SPTBN1: variants seen among roughly 807,000 people sequenced by gnomAD.
SPTBN1 encodes spectrin beta chain, non-erythrocytic 1.
A neutral mutation model predicts 266.4 loss-of-function variants in SPTBN1; 32 were observed. The observed-to-expected ratio is 0.12, with a 90% CI of 0.09 to 0.16. The LOEUF is 0.16. Among genes scored for constraint, SPTBN1 ranks in the 10% least tolerant of loss-of-function variants. The probability of loss-of-function intolerance (pLI) is 1.00; values close to 1 mark genes in which losing one functional copy is unlikely to be tolerated. For synonymous variants in SPTBN1, 1,336 were observed against 1,162.2 expected, an observed-to-expected ratio of 1.15 and a Z score of -3.04; for missense variants, 2,296 against 3,067.1, an observed-to-expected ratio of 0.75 and a Z score of 5.94.
At chr2:54,574,729 G>T (rs1674340490) in intron 2 of SPTBN1, among the ~76,000 whole-genome samples, 1 of 152,150 alleles carries the variant, frequency 6.6e-6, no homozygotes, top group South Asian at 2.1e-4. Context: ...GGAATTGCAG[G>T]TCACACCCTT....
At chr2:54,471,384 C>T (rs1253851609) in intron 1 of SPTBN1, among the ~76,000 whole-genome samples, 1 of 152,142 alleles carries the variant, frequency 6.6e-6, no homozygotes, top group Non-Finnish European at 1.5e-5. Flanking sequence ...ACATTTCTCC[C>T]CAGGTTGAGC....
chr2:54,630,064 C>G (rs374492167), intron 15 of SPTBN1, 35 bp downstream of exon 15: 5 of 1,603,526 alleles, frequency 3.1e-6, no homozygotes, highest in Non-Finnish European at 4.3e-6. Flanking sequence ...CAGCCTCCCA[C>G]GTGTGGGACT....
At position 54,629,333 on chromosome 2, in the gene SPTBN1, G is replaced by A. The variant is rs775406676; in HGVS notation, c.2199G>A (p.Ser733=). ...REQWANLEQL[S]AIRKKRLEEA... Reference sequence around the variant, plus strand: ...AGTGGGCCAACCTAGAGCAGCTCTCGGCCATTCGGAAGAAGCGCCTGGAGG... The same window carrying A: ...AGTGGGCCAACCTAGAGCAGCTCTCAGCCATTCGGAAGAAGCGCCTGGAGG... The change falls in exon 14 of 36, where the codon TCG becomes TCA. Residue 733 remains serine (S), a synonymous_variant. Coordinates refer to ENST00000356805, the MANE Select transcript of SPTBN1 (RefSeq NM_003128.3). 85 of 1,613,884 alleles carry A rather than the reference G, an allele frequency of 5.3e-5. No individual in the cohort carries two copies. The highest frequency in any genetic ancestry group is 6.9e-5 in the Non-Finnish European group (81 of 1,180,032).
At chr2:54,468,080 G>C (rs147628204) in intron 1 of SPTBN1, among the ~76,000 whole-genome samples, 12 of 152,032 alleles carry the variant, frequency 7.9e-5, no homozygotes, top group African/African-American at 2.7e-4. Context: ...AGGCCGAGGC[G>C]GGCAGATCAT....
At chr2:54,592,512 G>A (rs1054818776) in intron 2 of SPTBN1, among the ~76,000 whole-genome samples, 1 of 152,032 alleles carries the variant, frequency 6.6e-6, no homozygotes, top group Non-Finnish European at 1.5e-5. Flanking sequence ...AGCCTCCCGA[G>A]TAGCTGGGAT....
intron 2 of SPTBN1, among the ~76,000 whole-genome samples, chr2:54,585,257 T>C (rs1277832719): frequency 1.3e-5 from 2 of 152,158 alleles, no homozygotes; most frequent in African/African-American, 4.8e-5. Context: ...TAATGCAAAA[T>C]AGGTTTTGAT....
intron 1 of SPTBN1, among the ~76,000 whole-genome samples, chr2:54,504,845 G>A (rs13384138): frequency 6.6e-6 from 1 of 152,094 alleles, no homozygotes; most frequent in African/African-American, 2.4e-5. Context: ...AATTGGTTTA[G>A]TGATAAATAT....
chr2:54,650,072 T>G, intron 26 of SPTBN1, 83 bp downstream of exon 26: 1 of 1,491,160 alleles, frequency 6.7e-7, no homozygotes, highest in Non-Finnish European at 8.9e-7. Flanking sequence ...ATCTCCCTGT[T>G]CCTTGGCTCT....
chr2:54,472,720 C>T (rs1032652162), intron 1 of SPTBN1, among the ~76,000 whole-genome samples: 2 of 152,004 alleles, frequency 1.3e-5, no homozygotes, highest in Non-Finnish European at 2.9e-5. Context: ...CTGGGGCTGC[C>T]TGTGGGACTA....
rs1302798660 is a variant in SPTBN1 at position 54,599,159 on chromosome 2, C to T, written c.216C>T (p.Ser72=). The change falls in exon 3 of 36, where the codon TCC becomes TCT. Residue 72 remains serine, a synonymous_variant. Coordinates refer to ENST00000356805, the MANE Select transcript of SPTBN1 (RefSeq NM_003128.3). ...TCAATTCCCACCTTGCCCGTGTGTC[C>T]TGCCGGATCACAGACCTGTACACTG... The part of the protein sequence containing the change: ...KWVNSHLARV[S]CRITDLYTDL... 6.2e-7 allele frequency: 1 copy of T among 1,614,172 alleles called. No individual in the cohort carries two copies. Among genetic ancestry groups the T allele is most frequent in the Non-Finnish European group, 8.5e-7 (1 of 1,180,038 alleles).
intron 1 of SPTBN1, among the ~76,000 whole-genome samples, chr2:54,466,132 T>C (rs1215722061): frequency 6.6e-6 from 1 of 152,204 alleles, no homozygotes; most frequent in Non-Finnish European, 1.5e-5. Context: ...ACCATTTTAA[T>C]ATCTCTGCTC....
At chr2:54,522,677 AGGAGAGAGAG>A (rs1670534334) in intron 1 of SPTBN1, among the ~76,000 whole-genome samples, 2 of 67,308 alleles carry the variant, frequency 3.0e-5, no homozygotes, top group East Asian at 5.1e-4. Flanking sequence ...AGAGAGAGAG[AGGAGAGAGAG>A]AGAGAGAGAG....
intron 1 of SPTBN1, chr2:54,516,206 A>T (rs1573313243): frequency 6.6e-6 from 1 of 151,914 alleles, no homozygotes; most frequent in Non-Finnish European, 1.5e-5. Flanking sequence ...TGGTTTCTTC[A>T]TTTTTTTCCT....
At chr2:54,507,370 G>T (rs1463852417) in intron 1 of SPTBN1, among the ~76,000 whole-genome samples, 1 of 152,034 alleles carries the variant, frequency 6.6e-6, no homozygotes, top group Non-Finnish European at 1.5e-5. Flanking sequence ...TTGGGGGGTG[G>T]TATGGAGAGA....
At chr2:54,625,123 A>G (rs1678241618) in intron 11 of SPTBN1, among the ~76,000 whole-genome samples, 161 bp downstream of exon 11, 1 of 152,116 alleles carries the variant, frequency 6.6e-6, no homozygotes, top group South Asian at 2.1e-4. Flanking sequence ...GGATGTTTAT[A>G]ATTTCTAATA....
At chr2:54,535,238 C>T (rs1671531936) in intron 2 of SPTBN1, 1 of 152,252 alleles carries the variant, frequency 6.6e-6, no homozygotes, top group Non-Finnish European at 1.5e-5. Flanking sequence ...CACATATCAG[C>T]TTTATTGCAG....
At chr2:54,585,604 C>A (rs199551797) in intron 2 of SPTBN1, among the ~76,000 whole-genome samples, 3 of 152,204 alleles carry the variant, frequency 2.0e-5, no homozygotes, top group East Asian at 3.8e-4. Flanking sequence ...TAATAACTTT[C>A]TCTTTTACAT....
At position 54,526,392 on chromosome 2, in the gene SPTBN1, G is replaced by A; in HGVS notation, c.-27G>A. 6.2e-7 allele frequency: 1 copy of A among 1,611,778 alleles called. No individual in the cohort carries two copies. The highest frequency in any genetic ancestry group is 8.5e-7 in the Non-Finnish European group (1 of 1,178,824). Reference sequence around the variant, plus strand: ...CATAGAACTCTAAGAAGGAGCTGATGTGGAGGAGCAGCTGAGACAGTTCAA... The same window carrying A: ...CATAGAACTCTAAGAAGGAGCTGATATGGAGGAGCAGCTGAGACAGTTCAA... On this transcript the variant is annotated 5_prime_UTR_variant, in exon 2 of 36. It adds an upstream start codon to the 5' untranslated region. Coordinates refer to ENST00000356805, the MANE Select transcript of SPTBN1 (RefSeq NM_003128.3).
chr2:54,512,762 C>G lies in SPTBN1; in HGVS notation c.-47-13610C>G, dbSNP rs1210795504. ...ATTTTACTGGGATCCAAAGTACATA[C>G]TATTTAGGTAGGAAGAAGCACTATG... On this transcript the variant is annotated intron_variant, in intron 1 of 35. Coordinates refer to ENST00000356805, the MANE Select transcript of SPTBN1 (RefSeq NM_003128.3). 5.3e-5 allele frequency among the ~76,000 whole-genome samples: 8 copies of G among 152,148 alleles called. No homozygotes were observed. In the South Asian group the frequency reaches 6.2e-4, roughly 12 times the overall value.
Sources: allele counts gnomAD v4.1 joint callset (sites outside exome capture counted in the v4.1 genomes callset), GRCh38; gene constraint gnomAD v4.1.1; transcripts MANE v1.5; gene names NCBI Gene and HGNC (gene_info 2026-07-23, HGNC 2026-07-21).